Variants in LARP1B observed in about 807,000 individuals in gnomAD.
LARP1B encodes the protein la-related protein 1B.
A neutral mutation model predicts 114.2 loss-of-function variants in LARP1B; 76 were observed. That is an observed-to-expected ratio of 0.67 (90% CI 0.55 to 0.81). The LOEUF (loss-of-function observed/expected upper bound fraction) is 0.81, where lower values mean the gene tolerates loss of function less well. Among genes scored for constraint, LARP1B ranks in the 30% least tolerant of loss-of-function variants. The pLI is 0.00. For synonymous variants in LARP1B, 345 were observed against 348.0 expected (o/e 0.99, Z 0.10); for missense variants, 1,014 against 1,075.8 (o/e 0.94, Z 0.80).
rs1251583878 is a variant in LARP1B at position 128,210,667 on chromosome 4, T to A, written c.*614T>A. The A allele has an allele frequency of 1.0e-6, 1 of 972,286 alleles. No individual in the cohort carries two copies. Among genetic ancestry groups the A allele is most frequent in the Non-Finnish European group, 1.2e-6 (1 of 818,018 alleles). 60.2% of individuals were successfully genotyped at this position (972,286 alleles called of 1,614,324 possible). On this transcript the variant is annotated 3_prime_UTR_variant, in exon 20 of 20. Coordinates refer to ENST00000326639, the MANE Select transcript of LARP1B (RefSeq NM_018078.4). ...TAGGAATATATAGTAAGATTGTAGT[T>A]ACAATGAGTATATGCACTTTTGATG...
At chr4:128,171,532 G>A (rs944512919) in intron 12 of LARP1B, among the ~76,000 whole-genome samples, 17 of 152,230 alleles carry the variant, frequency 1.1e-4, no homozygotes, top group Middle Eastern at 3.4e-3. Flanking sequence ...ACTTTCAAGC[G>A]TGTTTTAAAT....
intron 11 of LARP1B, chr4:128,156,334 G>C (rs1225792682): frequency 1.5e-6 from 1 of 667,760 alleles, no homozygotes; most frequent in African/African-American, 1.8e-5. Context: ...CCTCTAATGA[G>C]ACTAACCATA....
intron 7 of LARP1B, chr4:128,093,103 G>T (rs1288671724): frequency 1.1e-6 from 1 of 942,952 alleles, no homozygotes; most frequent in Non-Finnish European, 1.3e-6. Flanking sequence ...CTCTTTTTTT[G>T]TTGTTGTTCT....
intron 11 of LARP1B, among the ~76,000 whole-genome samples, chr4:128,142,506 C>G (rs1307071994): frequency 6.6e-6 from 1 of 150,648 alleles, no homozygotes; most frequent in African/African-American, 2.4e-5. Context: ...TTGTATATTT[C>G]TTTCTTTTTT....
intron 11 of LARP1B, among the ~76,000 whole-genome samples, chr4:128,158,663 C>T (rs1401702430): frequency 6.6e-6 from 1 of 152,098 alleles, no homozygotes; most frequent in African/African-American, 2.4e-5. Context: ...GCTTTTCAGC[C>T]TCATTAGTAA....
Position 128,126,713 on chromosome 4 carries a change from A to G in LARP1B, c.1524+4525A>G, listed in dbSNP as rs182463512. On this transcript the variant is annotated intron_variant, in intron 11 of 19. Transcript: ENST00000326639. The stretch of plus-strand genomic sequence containing the variant: ...AGAATATATGAAAAGAGGATACAGA[A>G]TGATTTTCTACAGTCTTTGCTATTG... Among the ~76,000 whole-genome samples the G allele has an allele frequency of 4.6e-5, 7 of 152,262 alleles. No individual in the cohort carries two copies. In the South Asian group the frequency reaches 8.3e-4, roughly 18 times the overall value.
intron 1 of LARP1B, 184 bp downstream of exon 1, chr4:128,061,585 G>A (rs1760125017): frequency 1.3e-6 from 1 of 754,176 alleles, no homozygotes; most frequent in South Asian, 6.0e-5. Flanking sequence ...CCGGGCTCTC[G>A]GGTTGTCTGT....
intron 3 of LARP1B, among the ~76,000 whole-genome samples, chr4:128,075,781 A>G (rs978834937): frequency 5.3e-5 from 8 of 152,070 alleles, no homozygotes; most frequent in East Asian, 1.9e-4. Context: ...TCCTGAGCTC[A>G]AGCAATTGGC....
At chr4:128,214,513 TA>T (rs1759387394), downstream of LARP1B, among the ~76,000 whole-genome samples, 1 of 152,068 alleles carries the variant, frequency 6.6e-6, no homozygotes, top group South Asian at 2.1e-4. Flanking sequence ...CCGAGCAGCC[TA>T]ACTGGGAGGC....
At chr4:128,130,350 C>A (rs887850212) in intron 11 of LARP1B, among the ~76,000 whole-genome samples, 1 of 151,998 alleles carries the variant, frequency 6.6e-6, no homozygotes, top group African/African-American at 2.4e-5. Context: ...GTCGATAGAC[C>A]AGTTTATTGA....
chr4:128,202,448 A>G (rs1254289636), intron 17 of LARP1B, among the ~76,000 whole-genome samples: 1 of 152,200 alleles, frequency 6.6e-6, no homozygotes, highest in Non-Finnish European at 1.5e-5. Flanking sequence ...TGTTTTGCAA[A>G]ACATATATCT....
chr4:128,128,131 CTT>C (rs1215371794), intron 11 of LARP1B, among the ~76,000 whole-genome samples: 2 of 152,094 alleles, frequency 1.3e-5, no homozygotes, highest in African/African-American at 2.4e-5. Context: ...TCAAAATTAA[CTT>C]GAGTTAAATT....
intron 11 of LARP1B, among the ~76,000 whole-genome samples, chr4:128,141,649 C>T (rs987954696): frequency 7.2e-5 from 11 of 152,206 alleles, no homozygotes; most frequent in Admixed American, 2.0e-4. Flanking sequence ...AACATCAGTT[C>T]CCAGAATTTT....
In LARP1B at chr4:128,127,452, T is replaced by C. The variant is rs962307517; in HGVS notation, c.1524+5264T>C. Among the ~76,000 whole-genome samples, 4 of 152,192 alleles carry C rather than the reference T, an allele frequency of 2.6e-5. No homozygotes were observed. In the East Asian group the frequency reaches 7.7e-4, roughly 29 times the overall value. ...AGTTATTAAAGTTTGCAAATTGCAG[T>C]TTGAAGGATACACATTTAATTGACA... On this transcript the variant is annotated intron_variant, in intron 11 of 19. Coordinates refer to ENST00000326639, the MANE Select transcript of LARP1B (RefSeq NM_018078.4).
chr4:128,079,481 C>T (rs1769377263), intron 4 of LARP1B, among the ~76,000 whole-genome samples: 3 of 152,018 alleles, frequency 2.0e-5, no homozygotes, highest in Admixed American at 2.0e-4. Flanking sequence ...AGGCTAATTG[C>T]TCAAAAACAG....
At chr4:128,179,614 G>A (rs913035125) in intron 15 of LARP1B, 102 bp downstream of exon 15, 1 of 644,892 alleles carries the variant, frequency 1.6e-6, no homozygotes, top group Admixed American at 3.4e-5. Context: ...TAATATGTTA[G>A]CAAATTATAG....
intron 11 of LARP1B, among the ~76,000 whole-genome samples, chr4:128,131,642 C>T (rs1330100506): frequency 1.3e-5 from 2 of 152,030 alleles, no homozygotes; most frequent in Non-Finnish European, 2.9e-5. Flanking sequence ...TGTGTGAGCC[C>T]AGGAGTTTGA....
At chr4:128,206,585 C>A in intron 18 of LARP1B, 48 bp downstream of exon 18, 1 of 1,558,522 alleles carries the variant, frequency 6.4e-7, no homozygotes, top group Non-Finnish European at 8.7e-7. Context: ...AATTGTAAAC[C>A]TGAGTCTGTC....
intron 9 of LARP1B, chr4:128,108,069 T>C (rs1179727428): frequency 3.5e-6 from 5 of 1,435,658 alleles, no homozygotes; most frequent in Non-Finnish European, 4.5e-6. Context: ...GGGCCAACAC[T>C]GCAGTGGAGA....
Sources: gnomAD v4.1 joint callset for allele counts (sites outside exome capture counted in the v4.1 genomes callset) on GRCh38, gnomAD v4.1.1 for gene constraint, MANE v1.5 for transcripts, NCBI Gene and HGNC (gene_info 2026-07-23, HGNC 2026-07-21) for gene names.